CAMTA1: variants seen among roughly 807,000 people sequenced by gnomAD.
CAMTA1 encodes the protein calmodulin binding transcription activator 1.
CAMTA1 carries 27 observed loss-of-function variants against 170.9 expected under a neutral mutation model. That is an observed-to-expected ratio of 0.16 (90% CI 0.12 to 0.22). CAMTA1 has a LOEUF of 0.22. Among genes scored for constraint, CAMTA1 ranks in the 10% least tolerant of loss-of-function variants. CAMTA1 has a pLI of 1.00. For missense variants in CAMTA1, 1,619 were observed against 2,217.2 expected, an observed-to-expected ratio of 0.73 and a Z score of 5.42; for synonymous variants, 833 against 891.5, an observed-to-expected ratio of 0.93 and a Z score of 1.17.
At chr1:7,744,738 A>C (rs2096844936) in intron 16 of CAMTA1, 97 bp from the exon 17 acceptor site, 1 of 1,012,240 alleles carries the variant, frequency 9.9e-7, no homozygotes, top group African/African-American at 1.6e-5. Context: ...CTCCTGCCTG[A>C]TTATTTTTTT....
chr1:7,046,533 C>A (rs1364331295), intron 3 of CAMTA1, among the ~76,000 whole-genome samples: 1 of 152,190 alleles, frequency 6.6e-6, no homozygotes, highest in African/African-American at 2.4e-5. Context: ...GTGTTCCATC[C>A]CGGATGCAGC....
rs867235022 is a variant in CAMTA1 at position 7,310,650 on chromosome 1, T to C, written c.438+61024T>C. 9.9e-4 allele frequency among the ~76,000 whole-genome samples: 61 copies of C among 61,878 alleles called. 2 individuals are homozygous for C. Among genetic ancestry groups the C allele is most frequent in the African/African-American group, 5.1e-3 (58 of 11,328 alleles). The allele number at this position is 61,878 out of a possible 152,430, so 40.6% of individuals were successfully genotyped here. On this transcript the variant is annotated intron_variant, in intron 5 of 22. Transcript: ENST00000303635. ...TTTCTTTCTTTCTTTCTTTCTTTTT[T>C]CTTTCTTTCTTTCTTTCTTTCCTTT...
chr1:7,268,218 G>A (rs1669208173), intron 5 of CAMTA1, among the ~76,000 whole-genome samples: 1 of 152,130 alleles, frequency 6.6e-6, no homozygotes, highest in Admixed American at 6.5e-5. Context: ...TGGGGAGGCT[G>A]AGACAAATGG....
At chr1:7,076,898 C>T (rs1023420089) in intron 3 of CAMTA1, among the ~76,000 whole-genome samples, 1 of 152,202 alleles carries the variant, frequency 6.6e-6, no homozygotes, top group African/African-American at 2.4e-5. Context: ...CTCTTCAATT[C>T]CAAATGCTCA....
At chr1:7,640,648 G>A in intron 7 of CAMTA1, 95 bp downstream of exon 7, 2 of 1,422,052 alleles carry the variant, frequency 1.4e-6, no homozygotes, top group Non-Finnish European at 2.0e-6. Flanking sequence ...CCTTGGGGAT[G>A]CGGGTCCGGA....
chr1:6,786,177 G>A (rs1476391958), intron 1 of CAMTA1, among the ~76,000 whole-genome samples: 2 of 151,882 alleles, frequency 1.3e-5, no homozygotes, highest in Non-Finnish European at 2.9e-5. Flanking sequence ...GGGGGTCCCC[G>A]AGCTTCTCCC....
At chr1:7,676,997 A>G (rs898935048) in intron 10 of CAMTA1, among the ~76,000 whole-genome samples, 1 of 152,126 alleles carries the variant, frequency 6.6e-6, no homozygotes, top group Non-Finnish European at 1.5e-5. Flanking sequence ...CTGTCGGGCC[A>G]CTGGAGGGAG....
chr1:7,435,957 G>A lies in CAMTA1; in HGVS notation c.439-31873G>A, dbSNP rs1049053106. Among the ~76,000 whole-genome samples, 4 of 152,166 alleles carry A rather than the reference G, an allele frequency of 2.6e-5. No individual in the cohort carries two copies. Among genetic ancestry groups the A allele is most frequent in the African/African-American group, 7.2e-5 (3 of 41,452 alleles). On this transcript the variant is annotated intron_variant, in intron 5 of 22. Transcript: ENST00000303635. The surrounding 1 kb of genome is among the most constrained non-coding windows in gnomAD (Gnocchi z 4.4). The stretch of plus-strand genomic sequence containing the variant: ...AGGCACCTCAGGAGCAGAGGAGGGA[G>A]CTGGGAAGCTCCCCATGCCACCACC...
intron 5 of CAMTA1, among the ~76,000 whole-genome samples, chr1:7,362,199 C>G (rs1402010081): frequency 6.6e-6 from 1 of 152,228 alleles, no homozygotes; most frequent in African/African-American, 2.4e-5. Context: ...TAGCATTTCT[C>G]TTATGATTGG....
Position 7,373,151 on chromosome 1 carries a change from G to T in CAMTA1, c.439-94679G>T, listed in dbSNP as rs115487412. On this transcript the variant is annotated intron_variant, in intron 5 of 22. Coordinates refer to ENST00000303635, the MANE Select transcript of CAMTA1 (RefSeq NM_015215.4). ...CAGCCATGGCACTGGGTCATTCTTG[G>T]TTGTGGGGGGCTGTCCTGTGCATTG... Among the ~76,000 whole-genome samples the T allele has an allele frequency of 4.2e-3, 633 of 152,294 alleles. 5 individuals carry two copies. The highest frequency in any genetic ancestry group is 0.015 in the African/African-American group (608 of 41,558).
intron 4 of CAMTA1, among the ~76,000 whole-genome samples, chr1:7,165,455 G>A (rs763391565): frequency 5.9e-5 from 9 of 151,332 alleles, no homozygotes; most frequent in Non-Finnish European, 1.2e-4. Context: ...TTTTGGAGAC[G>A]GAGTCTCACT....
chr1:7,523,540 T>G (rs533975365), intron 6 of CAMTA1, among the ~76,000 whole-genome samples: 1 of 152,248 alleles, frequency 6.6e-6, no homozygotes, highest in Non-Finnish European at 1.5e-5. Context: ...GTTGTCATTT[T>G]CAGTATACAA....
At chr1:7,544,567 G>A (rs987712744) in intron 6 of CAMTA1, among the ~76,000 whole-genome samples, 1 of 152,222 alleles carries the variant, frequency 6.6e-6, no homozygotes, top group Non-Finnish European at 1.5e-5. Flanking sequence ...CCTGAGAATT[G>A]TCGTACAAAG....
intron 3 of CAMTA1, among the ~76,000 whole-genome samples, chr1:6,908,045 C>T (rs1438251327): frequency 6.6e-6 from 1 of 152,208 alleles, no homozygotes; most frequent in East Asian, 1.9e-4. Flanking sequence ...TTTTCTCCCT[C>T]AGACGTGCCA....
At chr1:7,644,266 C>T (rs776211586) in intron 7 of CAMTA1, among the ~76,000 whole-genome samples, 2 of 152,224 alleles carry the variant, frequency 1.3e-5, no homozygotes, top group East Asian at 3.9e-4. Context: ...CAGAAGGGGG[C>T]TTCCCTTCCA....
intron 5 of CAMTA1, among the ~76,000 whole-genome samples, chr1:7,260,455 G>A (rs981573786): frequency 1.3e-5 from 2 of 152,246 alleles, no homozygotes; most frequent in Non-Finnish European, 1.5e-5. Flanking sequence ...TTGCAAAGGA[G>A]AGTTTGAATG....
At chr1:7,208,252 G>T (rs946098121) in intron 4 of CAMTA1, among the ~76,000 whole-genome samples, 4 of 152,258 alleles carry the variant, frequency 2.6e-5, no homozygotes, top group African/African-American at 7.2e-5. Flanking sequence ...CATGAAAGTT[G>T]GTTTGTTCTT....
At chr1:7,667,131 C>T (rs1181509496) in intron 9 of CAMTA1, among the ~76,000 whole-genome samples, 1 of 152,082 alleles carries the variant, frequency 6.6e-6, no homozygotes, top group South Asian at 2.1e-4. Context: ...TCCAGTGATC[C>T]GCCCACCTCA....
intron 4 of CAMTA1, among the ~76,000 whole-genome samples, chr1:7,136,170 C>T (rs1363234512): frequency 2.0e-5 from 3 of 152,194 alleles, no homozygotes; most frequent in Non-Finnish European, 4.4e-5. Flanking sequence ...CTCTTTCAGA[C>T]AGCTCCTCTT....
Sources: gnomAD v4.1 joint callset for allele counts (sites outside exome capture counted in the v4.1 genomes callset) on GRCh38, gnomAD v4.1.1 for gene constraint, Gnocchi (gnomAD v3.1) non-coding constraint, MANE v1.5 for transcripts, NCBI Gene and HGNC (gene_info 2026-07-23, HGNC 2026-07-21) for gene names.